GPM6A: variants seen among roughly 807,000 people sequenced by gnomAD.
The protein encoded by GPM6A is neuronal membrane glycoprotein M6-a.
In GPM6A, 7 loss-of-function variants were observed where a neutral mutation model predicts 32.1. That is an observed-to-expected ratio of 0.22 (90% CI 0.12 to 0.41). The LOEUF is 0.41. Ranked by LOEUF, GPM6A falls within the 10% of genes least tolerant of loss-of-function variation. The probability of loss-of-function intolerance (pLI) is 1.00; values close to 1 mark genes in which losing one functional copy is unlikely to be tolerated. For synonymous variants in GPM6A, 130 were observed against 123.4 expected (o/e 1.05, Z -0.35); for missense variants, 235 against 347.2 (o/e 0.68, Z 2.57).
intron 1 of GPM6A, among the ~76,000 whole-genome samples, chr4:175,793,324 C>T (rs147753729): frequency 5.3e-5 from 8 of 152,074 alleles, no homozygotes; most frequent in African/African-American, 1.9e-4. Context: ...TAAGAACATT[C>T]TGGAATAGTC....
chr4:175,825,463 C>T (rs567126986), intron 1 of GPM6A, among the ~76,000 whole-genome samples: 17 of 152,078 alleles, frequency 1.1e-4, no homozygotes, highest in Non-Finnish European at 2.2e-4. Context: ...GGTCCTCGCT[C>T]CCATGGTCTT....
At chr4:175,817,985 A>C (rs957288339) in intron 1 of GPM6A, among the ~76,000 whole-genome samples, 6 of 152,136 alleles carry the variant, frequency 3.9e-5, no homozygotes, top group African/African-American at 1.4e-4. Context: ...CCCCCAAGAA[A>C]TTACCTTTCG....
intron 1 of GPM6A, among the ~76,000 whole-genome samples, chr4:175,819,730 CT>C (rs1735216773): frequency 6.6e-6 from 1 of 152,340 alleles, no homozygotes; most frequent in East Asian, 1.9e-4. Flanking sequence ...TCCGCCTACA[CT>C]TATGTAAGTA....
intron 1 of GPM6A, among the ~76,000 whole-genome samples, chr4:175,922,266 A>G (rs1305353105): frequency 6.6e-6 from 1 of 152,206 alleles, no homozygotes; most frequent in Non-Finnish European, 1.5e-5. Context: ...CTGTTAACAC[A>G]TAATGATACC....
chr4:175,674,245 T>C, intron 2 of GPM6A, among the ~76,000 whole-genome samples: 1 of 152,166 alleles, frequency 6.6e-6, no homozygotes, highest in East Asian at 1.9e-4. Context: ...TGGTGCGATC[T>C]CGGCTCGCTG....
chr4:175,680,005 C>T (rs1422059497), intron 2 of GPM6A, among the ~76,000 whole-genome samples: 1 of 152,156 alleles, frequency 6.6e-6, no homozygotes, highest in African/African-American at 2.4e-5. Context: ...AGATGTGGTG[C>T]TATATGTGCT....
intron 2 of GPM6A, among the ~76,000 whole-genome samples, chr4:175,699,492 T>C (rs1744753131): frequency 6.6e-6 from 1 of 152,204 alleles, no homozygotes; most frequent in African/African-American, 2.4e-5. Context: ...AAATATAATA[T>C]GCAACTTTCA....
intron 1 of GPM6A, among the ~76,000 whole-genome samples, chr4:175,755,215 A>T (rs1370103536): frequency 1.3e-5 from 2 of 152,284 alleles, no homozygotes; most frequent in East Asian, 1.9e-4. Flanking sequence ...AATAATGTAG[A>T]AACAATGTGG....
intron 1 of GPM6A, among the ~76,000 whole-genome samples, chr4:175,900,098 C>T (rs1003057175): frequency 2.6e-5 from 4 of 151,806 alleles, no homozygotes; most frequent in African/African-American, 9.7e-5. Context: ...TGGTGAAACC[C>T]TGTCTCTACT....
intron 1 of GPM6A, among the ~76,000 whole-genome samples, chr4:175,858,095 T>C (rs1264777538): frequency 6.6e-6 from 1 of 152,100 alleles, no homozygotes; most frequent in African/African-American, 2.4e-5. Flanking sequence ...GCTATGTAAA[T>C]AGGTCGGCCA....
At chr4:175,723,218 A>C (rs886198024) in intron 1 of GPM6A, among the ~76,000 whole-genome samples, 2 of 152,226 alleles carry the variant, frequency 1.3e-5, no homozygotes, top group African/African-American at 4.8e-5. Flanking sequence ...TTATGACTGA[A>C]TGAGCAAAAT....
intron 1 of GPM6A, among the ~76,000 whole-genome samples, chr4:175,744,079 A>G (rs1035436511): frequency 7.9e-5 from 12 of 152,084 alleles, no homozygotes; most frequent in African/African-American, 2.9e-4. Flanking sequence ...ATACATTCTT[A>G]TCAAATGCAC....
upstream of GPM6A, among the ~76,000 whole-genome samples, chr4:175,813,921 A>C (rs2111336504): frequency 6.6e-6 from 1 of 152,302 alleles, no homozygotes; most frequent in East Asian, 1.9e-4. Flanking sequence ...ATCTCTTTGG[A>C]ATATATATCA....
intron 1 of GPM6A, among the ~76,000 whole-genome samples, chr4:175,759,975 T>G (rs905678147): frequency 1.3e-5 from 2 of 152,052 alleles, no homozygotes; most frequent in Non-Finnish European, 2.9e-5. Flanking sequence ...AGGTCAGGAT[T>G]TAGAGACCAG....
chr4:176,001,855 C>T (rs1407478071), intron 1 of GPM6A, among the ~76,000 whole-genome samples: 1 of 152,200 alleles, frequency 6.6e-6, no homozygotes, highest in Non-Finnish European at 1.5e-5. Context: ...TCTCGTGCCC[C>T]GTTTCAACTT....
At chr4:175,691,152 C>T (rs17061782) in intron 2 of GPM6A, among the ~76,000 whole-genome samples, 9,182 of 152,214 alleles carry the variant, frequency 0.06, 568 homozygotes, top group East Asian at 0.35. Context: ...TACTTATCTA[C>T]GTGAGGATGA....
chr4:175,643,949 C>G (rs771079392), intron 4 of GPM6A, among the ~76,000 whole-genome samples: 3 of 152,110 alleles, frequency 2.0e-5, no homozygotes, highest in African/African-American at 4.8e-5. Context: ...CACATGCGGA[C>G]AGCCCACCTC....
At chr4:175,714,391 T>G (rs1488603732) in intron 1 of GPM6A, among the ~76,000 whole-genome samples, 1 of 152,134 alleles carries the variant, frequency 6.6e-6, no homozygotes, top group Non-Finnish European at 1.5e-5. Flanking sequence ...TTGTTTTTAT[T>G]TTTATATTTT....
At position 176,001,298 on chromosome 4, in the gene GPM6A, G is replaced by GCGGGCTGGGGTTGGAAGAGTAACT. The variant is rs531207705; in HGVS notation, c.-23+987_-23+1010dup. On this transcript the variant is annotated intron_variant, in intron 1 of 7. Transcript: ENST00000280187. Reference sequence around the variant, plus strand: ...CAGTGGACTTGGCTGGAAGAAGTGAGCGGGCTGGGGTTGGAAGAGTAACTC... The same window carrying GCGGGCTGGGGTTGGAAGAGTAACT: ...CAGTGGACTTGGCTGGAAGAAGTGAGCGGGCTGGGGTTGGAAGAGTAACTCGGGCTGGGGTTGGAAGAGTAACTC... Among the ~76,000 whole-genome samples, 36 of 152,326 alleles carry GCGGGCTGGGGTTGGAAGAGTAACT rather than the reference G, an allele frequency of 2.4e-4. 1 individual carries two copies. In the East Asian group the frequency reaches 6.4e-3, roughly 27 times the overall value.
Sources: allele counts gnomAD v4.1 joint callset (sites outside exome capture counted in the v4.1 genomes callset), GRCh38; gene constraint gnomAD v4.1.1; transcripts MANE v1.5; gene names NCBI Gene and HGNC (gene_info 2026-07-23, HGNC 2026-07-21).